Variants in USP11 observed in about 807,000 individuals in gnomAD.
The protein encoded by USP11 is ubiquitin specific peptidase 11.
Under a neutral mutation model 72.8 loss-of-function variants are expected in USP11, and 5 were observed. The ratio of observed to expected loss-of-function variants is 0.07; its 90% confidence interval spans 0.04 to 0.14. The LOEUF is 0.14. USP11 is among the 10% of genes least tolerant of loss of function. The pLI, the probability that USP11 is intolerant of heterozygous loss-of-function variation, is 1.00. For synonymous variants in USP11, 368 were observed against 326.5 expected, an observed-to-expected ratio of 1.13 and a Z score of -1.37; for missense variants, 480 against 794.7, an observed-to-expected ratio of 0.60 and a Z score of 4.76.
chrX:47,247,260 G>A lies in USP11; in HGVS notation c.2420+39G>A, dbSNP rs2055439329. ...GAGAGGATGGCTGGGGGAAGGCAGG[G>A]AAAGGAGGGGGTGTACCAGTATTAA... On this transcript the variant is annotated intron_variant, in intron 18 of 20. Coordinates refer to ENST00000377107, the MANE Select transcript of USP11 (RefSeq NM_001371072.1). The A allele has an allele frequency of 8.3e-6, 10 of 1,211,507 alleles. No individual in the cohort carries two copies. In the Admixed American group the frequency reaches 8.7e-5, roughly 11 times the overall value.
At chrX:47,245,791 G>A (rs1020776271) in intron 17 of USP11, among the ~76,000 whole-genome samples, 2 of 111,171 alleles carry the variant, frequency 1.8e-5, no homozygotes, top group East Asian at 2.8e-4. Context: ...TGATCCACCC[G>A]CCTTGGCCTT....
At chrX:47,247,268 G>T (rs770502476) in intron 18 of USP11, 36 bp from the exon 19 acceptor site, 2 of 1,210,932 alleles carry the variant, frequency 1.7e-6, no homozygotes, top group Admixed American at 4.3e-5. Context: ...GGGAAAGGAG[G>T]GGGTGTACCA....
Position 47,243,501 on chromosome X carries a change from C to T in USP11, c.1689C>T (p.Ser563=). Residue 563 remains serine (S), a synonymous_variant, in exon 13 of 21, where the codon TCC becomes TCT. Transcript: ENST00000377107. ...ERTPARDYNN[S]YYGLMLFGHP... ...CCCCTGCCCGTGACTACAACAACTCCTACTACGGCCTGATGCTTTTTGGAC... is the reference window on the plus strand; with the variant it reads ...CCCCTGCCCGTGACTACAACAACTCTTACTACGGCCTGATGCTTTTTGGAC... 1 of 1,211,762 alleles carries T rather than the reference C, an allele frequency of 8.3e-7. No homozygotes were observed. Among genetic ancestry groups the T allele is most frequent in the South Asian group, 1.8e-5 (1 of 56,983 alleles).
At chrX:47,241,131 T>G in intron 7 of USP11, 146 bp from the exon 8 acceptor site, 1 of 631,774 alleles carries the variant, frequency 1.6e-6, no homozygotes, top group Non-Finnish European at 2.4e-6. Flanking sequence ...ATGCCTTCTC[T>G]CCCCTACTCT....
At chrX:47,233,744 GT>G in intron 1 of USP11, 2 of 162,650 alleles carry the variant, frequency 1.2e-5, no homozygotes, top group Non-Finnish European at 1.0e-5. Context: ...TGGGAACGAG[GT>G]TAGGTTGGTG....
In USP11 at chrX:47,247,949, C is replaced by CAA. The variant is rs760942663; in HGVS notation, c.*20_*21insAA. 2 of 1,094,809 alleles carry CAA rather than the reference C, an allele frequency of 1.8e-6. No individual in the cohort carries two copies. The highest frequency in any genetic ancestry group is 4.0e-5 in the Admixed American group (1 of 25,261). 90.2% of individuals were successfully genotyped at this position (1,094,809 alleles called of 1,213,427 possible). ...TAATTGAGAGCCCTGGGTCCTGCCA[C>CAA]AGAAAAAAAAAAAAAAAAGCCCTCT... On this transcript the variant is annotated 3_prime_UTR_variant, in exon 21 of 21. Coordinates refer to ENST00000377107, the MANE Select transcript of USP11 (RefSeq NM_001371072.1).
rs1193165250 is a variant in USP11 at position 47,242,441 on chromosome X, C to T, written c.1407C>T (p.His469=). 4 of 1,210,385 alleles carry T rather than the reference C, an allele frequency of 3.3e-6. No individual in the cohort carries two copies. The highest frequency in any genetic ancestry group is 1.8e-5 in the South Asian group (1 of 56,873). The change falls in exon 11 of 21, where the codon CAC becomes CAT. Residue 469 remains histidine, a splice_region_variant and synonymous_variant. Coordinates refer to ENST00000377107, the MANE Select transcript of USP11 (RefSeq NM_001371072.1). ...TGTGGATACCGTTTTTCCCTTAGCA[C>T]CGGCTCGTGGTCCCCAAGAAAGGCA... ...PMDPRRKPEQ[H]RLVVPKKGKI... is the part of the protein sequence containing the mutation.
chrX:47,233,535 T>TGGGTTCTGCTACATAAGGC, intron 1 of USP11: 4 of 914,374 alleles, frequency 4.4e-6, no homozygotes, highest in Non-Finnish European at 5.4e-6. Context: ...GGGAAGAAGG[T>TGGGTTCTGCTACATAAGGC]GGGTTCTGCT....
chrX:47,247,954 A>G lies in USP11; in HGVS notation c.*24A>G. On this transcript the variant is annotated 3_prime_UTR_variant, in exon 21 of 21. Transcript: ENST00000377107. ...GAGAGCCCTGGGTCCTGCCACAGAAAAAAAAAAAAAAAAGCCCTCTCTGCA... is the reference window on the plus strand; with the variant it reads ...GAGAGCCCTGGGTCCTGCCACAGAAGAAAAAAAAAAAAAGCCCTCTCTGCA... 3.4e-6 allele frequency: 3 copies of G among 875,334 alleles called. No homozygotes were observed. Among genetic ancestry groups the G allele is most frequent in the Admixed American group, 4.1e-5 (1 of 24,500 alleles). The allele number at this position is 875,334 out of a possible 1,213,427, so 72.1% of individuals were successfully genotyped here. A position where few individuals can be genotyped will look rare whatever the true frequency, so the allele number is the denominator to read the frequency against.
chrX:47,234,814 A>G (rs1234931463), intron 1 of USP11, among the ~76,000 whole-genome samples: 3 of 112,114 alleles, frequency 2.7e-5, no homozygotes, highest in South Asian at 3.6e-4. Flanking sequence ...TCATTCCACA[A>G]TGTATACATA....
At chrX:47,245,992 C>A (rs2055430911) in intron 17 of USP11, among the ~76,000 whole-genome samples, 1 of 111,650 alleles carries the variant, frequency 9.0e-6, no homozygotes, top group Admixed American at 9.6e-5. Flanking sequence ...TCCCAGTGAT[C>A]TACAGGACTT....
chrX:47,245,531 C>G, intron 17 of USP11, 49 bp downstream of exon 17: 4 of 703,108 alleles, frequency 5.7e-6, no homozygotes, highest in Non-Finnish European at 6.4e-6. Context: ...TTGGATGGAA[C>G]TACTATATTT....
chrX:47,247,676 C>T lies in USP11; in HGVS notation c.2602C>T (p.Pro868Ser). 1 of 1,211,234 alleles carries T rather than the reference C, an allele frequency of 8.3e-7. No individual in the cohort carries two copies. The highest frequency in any genetic ancestry group is 1.1e-6 in the Non-Finnish European group (1 of 895,354). The change falls in exon 20 of 21, where the codon CCT becomes TCT. Residue 868 changes from proline to serine, a missense_variant. By Grantham distance (74) the Pro-to-Ser change is moderately conservative. Transcript: ENST00000377107. ...CTACTTTGATGACAACAGCGTCTCCCCTGTCAATGAGAATCAGATCGAGGT... is the reference window on the plus strand; with the variant it reads ...CTACTTTGATGACAACAGCGTCTCCTCTGTCAATGAGAATCAGATCGAGGT... ...WHYFDDNSVS[P>S]VNENQIESKA...
rs1602710466 is a variant in USP11 at position 47,240,522 on chromosome X, T to G, written c.682-65T>G. On this transcript the variant is annotated intron_variant, in intron 5 of 20. Coordinates refer to ENST00000377107, the MANE Select transcript of USP11 (RefSeq NM_001371072.1). Reference sequence around the variant, plus strand: ...CTCACCTGGCAGTACTCGGGGGAAATGAAGGCTAGGTACCCATAATGTCCT... The same window carrying G: ...CTCACCTGGCAGTACTCGGGGGAAAGGAAGGCTAGGTACCCATAATGTCCT... The G allele has an allele frequency of 5.0e-6, 6 of 1,207,438 alleles. No individual in the cohort carries two copies. In the Admixed American group the frequency reaches 1.1e-4, roughly 22 times the overall value.
chrX:47,245,292 C>T lies in USP11; in HGVS notation c.2158-78C>T, dbSNP rs753657457. 4.5e-5 allele frequency: 44 copies of T among 981,669 alleles called. No individual in the cohort carries two copies. The Admixed American group carries it at 8.8e-4, about 20-fold the overall frequency. 80.9% of individuals were successfully genotyped at this position (981,669 alleles called of 1,213,427 possible). On this transcript the variant is annotated intron_variant, in intron 16 of 20. Transcript: ENST00000377107. ...CTCTGACCCACTCAGTGTGTGTCTCCCCCGCTGGGCCCCCACTCCCCATTT... is the reference window on the plus strand; with the variant it reads ...CTCTGACCCACTCAGTGTGTGTCTCTCCCGCTGGGCCCCCACTCCCCATTT...
In USP11 at chrX:47,240,280, G is replaced by A. The variant is rs2055395356; in HGVS notation, c.536-25G>A. ...TCATTTTGGGTCTCACAAAGATCTT[G>A]AATGTACTCCATCACCCCGCACAGG... On this transcript the variant is annotated intron_variant, in intron 4 of 20. Coordinates refer to ENST00000377107, the MANE Select transcript of USP11 (RefSeq NM_001371072.1). 5 of 1,205,952 alleles carry A rather than the reference G, an allele frequency of 4.1e-6. No individual in the cohort carries two copies. In the Middle Eastern group the frequency reaches 9.2e-4, roughly 222 times the overall value.
At chrX:47,241,502 A>G in intron 8 of USP11, 39 bp from the exon 9 acceptor site, 1 of 1,187,745 alleles carries the variant, frequency 8.4e-7, no homozygotes. Flanking sequence ...TGGCTCTCCT[A>G]ACTCCCTCTC....
chrX:47,245,424 C>T lies in USP11; in HGVS notation c.2212C>T (p.Leu738=). Residue 738 remains leucine (L), a synonymous_variant, in exon 17 of 21, where the codon CTG becomes TTG. Transcript: ENST00000377107. ...CGTGATGAAGAAGGCTCCCGTGCGGCTGCAGGAGTGCATTGAGCTCTTCAC... is the reference window on the plus strand; with the variant it reads ...CGTGATGAAGAAGGCTCCCGTGCGGTTGCAGGAGTGCATTGAGCTCTTCAC... ...GYVMKKAPVR[L]QECIELFTTV... is the part of the protein sequence containing the mutation. The T allele has an allele frequency of 8.3e-7, 1 of 1,211,910 alleles. No homozygotes were observed. The highest frequency in any genetic ancestry group is 1.1e-6 in the Non-Finnish European group (1 of 895,410).
chrX:47,238,556 T>C (rs1339507086), intron 1 of USP11, among the ~76,000 whole-genome samples: 2 of 104,127 alleles, frequency 1.9e-5, no homozygotes, highest in African/African-American at 7.0e-5. Context: ...CTTTTTAGCA[T>C]TTTAAATTCT....
Sources: allele counts gnomAD v4.1 joint callset (sites outside exome capture counted in the v4.1 genomes callset), GRCh38; gene constraint gnomAD v4.1.1; transcripts MANE v1.5; gene names NCBI Gene and HGNC (gene_info 2026-07-23, HGNC 2026-07-21).